The following SYNRG variants were observed in gnomAD, a reference collection of about 807,000 sequenced individuals.
SYNRG encodes synergin gamma.
SYNRG carries 37 observed loss-of-function variants against 130.9 expected under a neutral mutation model. The observed-to-expected ratio is 0.28, with a 90% CI of 0.22 to 0.37. The LOEUF is 0.37. Among genes scored for constraint, SYNRG ranks in the 10% least tolerant of loss-of-function variants. SYNRG has a pLI of 1.00. For synonymous variants in SYNRG, 539 were observed against 568.1 expected (o/e 0.95, Z 0.73); for missense variants, 1,338 against 1,588.9 (o/e 0.84, Z 2.68).
chr17:37,605,018 AAAT>A (rs1348430730), intron 1 of SYNRG, among the ~76,000 whole-genome samples: 1 of 152,232 alleles, frequency 6.6e-6, no homozygotes, highest in Non-Finnish European at 1.5e-5. Flanking sequence ...TCACCATAAC[AAAT>A]AATAATAATG....
chr17:37,539,395 G>GT, intron 16 of SYNRG, 150 bp from the exon 17 acceptor site: 1 of 842,988 alleles, frequency 1.2e-6, no homozygotes, highest in African/African-American at 1.7e-5. Flanking sequence ...TTTTGTTTTT[G>GT]TTTTGAGATA....
At chr17:37,581,274 C>CTAT (rs34565960) in intron 6 of SYNRG, among the ~76,000 whole-genome samples, 26,197 of 149,492 alleles carry the variant, frequency 0.18, 2,739 homozygotes, top group East Asian at 0.53. Context: ...ATTATTATTA[C>CTAT]TATTATTATT....
chr17:37,566,078 C>A (rs1027115094), intron 11 of SYNRG, among the ~76,000 whole-genome samples: 2 of 151,632 alleles, frequency 1.3e-5, no homozygotes, highest in Non-Finnish European at 2.9e-5. Context: ...TGCCCAGCCA[C>A]CCCTACTGGG....
intron 9 of SYNRG, 21 bp downstream of exon 9, chr17:37,571,769 TA>T (rs1397653594): frequency 6.3e-7 from 1 of 1,579,034 alleles, no homozygotes; most frequent in South Asian, 1.2e-5. Context: ...TTATTTGATC[TA>T]ACTTAAGAAA....
chr17:37,538,868 T>C (rs1047863230), intron 17 of SYNRG, among the ~76,000 whole-genome samples: 5 of 152,250 alleles, frequency 3.3e-5, no homozygotes, highest in South Asian at 2.1e-4. Flanking sequence ...GCTGGGATTA[T>C]AGGTGTTGAG....
In SYNRG at chr17:37,536,132, C is replaced by T. The variant is rs371553920; in HGVS notation, c.3518-5G>A. The T allele has an allele frequency of 1.6e-5, 26 of 1,605,856 alleles. No homozygotes were observed. Among genetic ancestry groups the T allele is most frequent in the African/African-American group, 1.5e-4 (11 of 74,618 alleles). On this transcript the variant is annotated splice_region_variant and splice_polypyrimidine_tract_variant and intron_variant, in intron 18 of 21. Transcript: ENST00000612223. ...CCCTGTACACTTCAACAACACCTGA[C>T]GGGATGAGAGAGCAGAGAGAGAGTG...
chr17:37,546,328 T>C (rs2058271320), intron 14 of SYNRG, among the ~76,000 whole-genome samples: 1 of 152,226 alleles, frequency 6.6e-6, no homozygotes, highest in African/African-American at 2.4e-5. Context: ...ATCACTACTG[T>C]ATTTCCAGTT....
At chr17:37,519,521 GAACGAGAGAGTTAGAA>G (rs1293222301) in intron 21 of SYNRG, among the ~76,000 whole-genome samples, 4 of 152,096 alleles carry the variant, frequency 2.6e-5, no homozygotes, top group Non-Finnish European at 4.4e-5. Flanking sequence ...GAGAGTTAGA[GAACGAGAGAGTTAGAA>G]AACGAGAGAG....
intron 18 of SYNRG, among the ~76,000 whole-genome samples, chr17:37,537,887 G>A (rs564432951): frequency 5.9e-5 from 9 of 152,328 alleles, no homozygotes; most frequent in East Asian, 1.9e-4. Flanking sequence ...GAGGAACACC[G>A]AAGTGGACAG....
chr17:37,530,067 GA>G (rs1323651810), intron 19 of SYNRG, among the ~76,000 whole-genome samples: 1 of 152,262 alleles, frequency 6.6e-6, no homozygotes, highest in East Asian at 1.9e-4. Flanking sequence ...GTTGCTGCCA[GA>G]AAAGACTCCT....
intron 8 of SYNRG, among the ~76,000 whole-genome samples, chr17:37,572,586 GGACT>G (rs1333790842): frequency 3.9e-5 from 6 of 152,176 alleles, no homozygotes; most frequent in Non-Finnish European, 7.4e-5. Context: ...AGCATGCTTT[GGACT>G]TTACAAGAGA....
Position 37,517,943 on chromosome 17 carries a change from C to CAG in SYNRG, c.*996_*997insCT, listed in dbSNP as rs1470961005. On this transcript the variant is annotated 3_prime_UTR_variant, in exon 22 of 22. Coordinates refer to ENST00000612223, the MANE Select transcript of SYNRG (RefSeq NM_007247.6). ...AGTACTGTTTCTGGACAATTTTCTT[C>CAG]TACTTCTTCTAAGTCATGTATCTAT... 2.6e-5 allele frequency: 4 copies of CAG among 152,210 alleles called. No homozygotes were observed. The highest frequency in any genetic ancestry group is 5.9e-5 in the Non-Finnish European group (4 of 68,042). The allele number at this position is 152,210 out of a possible 1,614,324, so 9.4% of individuals were successfully genotyped here. A position where few individuals can be genotyped will look rare whatever the true frequency, so the allele number is the denominator to read the frequency against.
At chr17:37,563,586 G>A (rs757365934) in intron 11 of SYNRG, among the ~76,000 whole-genome samples, 4 of 151,960 alleles carry the variant, frequency 2.6e-5, no homozygotes, top group South Asian at 2.1e-4. Flanking sequence ...GGAGTGCAGC[G>A]GCATGATCAT....
chr17:37,562,223 C>T (rs1032117022), intron 11 of SYNRG, among the ~76,000 whole-genome samples: 9 of 152,194 alleles, frequency 5.9e-5, no homozygotes, highest in Non-Finnish European at 1.0e-4. Context: ...ATCACATCAG[C>T]GGTTCTAGAA....
intron 6 of SYNRG, among the ~76,000 whole-genome samples, chr17:37,581,692 T>C (rs1360318283): frequency 1.3e-5 from 2 of 152,026 alleles, no homozygotes; most frequent in African/African-American, 4.8e-5. Context: ...GTTCAAGCAA[T>C]TCTTCTGCCT....
At chr17:37,540,354 C>A (rs746061508) in intron 16 of SYNRG, 26 bp downstream of exon 16, 2 of 1,611,002 alleles carry the variant, frequency 1.2e-6, no homozygotes, top group Non-Finnish European at 8.5e-7. Context: ...CTGTTACCCA[C>A]CCCTTGTAGA....
chr17:37,593,425 A>G (rs545252280), intron 3 of SYNRG, among the ~76,000 whole-genome samples: 1 of 152,054 alleles, frequency 6.6e-6, no homozygotes, highest in Non-Finnish European at 1.5e-5. Context: ...AAAAAAGACT[A>G]AATTTTTTTA....
chr17:37,536,351 T>A (rs2057193363), intron 18 of SYNRG: 4 of 546,548 alleles, frequency 7.3e-6, no homozygotes, highest in East Asian at 6.2e-5. Context: ...CAGCTATGCC[T>A]CTTACTGGCT....
rs2054560262 is a variant in SYNRG, at chr17:37,518,027, G to A, written c.*913C>T. 6.6e-6 allele frequency: 1 copy of A among 152,156 alleles called. No individual in the cohort carries two copies. The highest frequency in any genetic ancestry group is 1.9e-4 in the East Asian group (1 of 5,196). 9.4% of individuals were successfully genotyped at this position (152,156 alleles called of 1,614,324 possible). A position where few individuals can be genotyped will look rare whatever the true frequency, so the allele number is the denominator to read the frequency against. On this transcript the variant is annotated 3_prime_UTR_variant, in exon 22 of 22. Coordinates refer to ENST00000612223, the MANE Select transcript of SYNRG (RefSeq NM_007247.6). ...GCCGAGAGCTCCACATTTTCACCCT[G>A]AATTAATTTTCAGGTTTTTCTCACA...
Sources: allele counts gnomAD v4.1 joint callset (sites outside exome capture counted in the v4.1 genomes callset), GRCh38; gene constraint gnomAD v4.1.1; transcripts MANE v1.5; gene names NCBI Gene and HGNC (gene_info 2026-07-23, HGNC 2026-07-21).